SPATA31H1: variants seen among roughly 807,000 people sequenced by gnomAD.
SPATA31H1 encodes the protein SPATA31 subfamily H member 1.
At chr2:27,537,869 G>C in the SPATA31H1 span, among the ~76,000 whole-genome samples, 17 of 152,118 alleles carry the variant, frequency 1.1e-4, no homozygotes, top group African/African-American at 3.9e-4. Flanking sequence ...TGACATGGGA[G>C]GTAGACAGTA....
chr2:27,582,061 C>T, the SPATA31H1 span: 1 of 1,610,196 alleles, frequency 6.2e-7, no homozygotes, highest in Non-Finnish European at 8.5e-7. Context: ...GAGAGGAGAT[C>T]TCACAGGTCC....
At chr2:27,550,410 A>ATTT in the SPATA31H1 span, among the ~76,000 whole-genome samples, 1 of 144,522 alleles carries the variant, frequency 6.9e-6, no homozygotes, top group African/African-American at 2.7e-5. Context: ...ATGGGTGTTA[A>ATTT]ATTTTTTTTT....
the SPATA31H1 span, among the ~76,000 whole-genome samples, chr2:27,539,651 C>A: frequency 7.8e-5 from 8 of 103,074 alleles, no homozygotes; most frequent in African/African-American, 1.5e-4. Context: ...CAGACGGGGC[C>A]GTGGCCGGGC....
chr2:27,576,801 G>A, the SPATA31H1 span: 24 of 1,614,132 alleles, frequency 1.5e-5, 1 homozygote, highest in South Asian at 2.5e-4. Context: ...CGTAAAACAT[G>A]TGAAATTATC....
chr2:27,548,669 T>TGAA, the SPATA31H1 span, among the ~76,000 whole-genome samples: 1 of 151,832 alleles, frequency 6.6e-6, no homozygotes. Context: ...TATAGTCTGT[T>TGAA]TGATTCAAGA....
At chr2:27,555,145 A>C in the SPATA31H1 span, among the ~76,000 whole-genome samples, 6 of 151,886 alleles carry the variant, frequency 4.0e-5, no homozygotes, top group Admixed American at 2.6e-4. Flanking sequence ...AATTTATAGG[A>C]TCATGTGAGT....
At chr2:27,581,559 C>A in the SPATA31H1 span, 4 of 1,458,620 alleles carry the variant, frequency 2.7e-6, no homozygotes, top group Middle Eastern at 1.8e-4. Context: ...GAGAAGCCAT[C>A]GCAGTTCCTC....
the SPATA31H1 span, chr2:27,567,270 A>C: frequency 1.7e-6 from 1 of 605,160 alleles, no homozygotes. Flanking sequence ...TCCTTCAGTT[A>C]GAAGGGAGCT....
chr2:27,579,675 A>G, the SPATA31H1 span: 11 of 1,614,196 alleles, frequency 6.8e-6, no homozygotes, highest in Non-Finnish European at 9.3e-6. Flanking sequence ...GTCTTCCCTC[A>G]GCATATTTTA....
the SPATA31H1 span, among the ~76,000 whole-genome samples, chr2:27,556,692 A>AT: frequency 0.36 from 46,712 of 130,570 alleles, 8,954 homozygotes; most frequent in Non-Finnish European, 0.46. Context: ...AAGGGCATAT[A>AT]TTTTTTTTTT....
At chr2:27,546,468 C>T in the SPATA31H1 span, among the ~76,000 whole-genome samples, 3 of 152,012 alleles carry the variant, frequency 2.0e-5, no homozygotes, top group Non-Finnish European at 2.9e-5. Context: ...GTGAGGTACT[C>T]ACCTTGAACA....
the SPATA31H1 span, chr2:27,569,283 A>G: frequency 3.2e-3 from 1,283 of 398,966 alleles, 7 homozygotes; most frequent in African/African-American, 0.024. Flanking sequence ...TGTTTACTGC[A>G]ATCTAGGGCC....
chr2:27,575,178 G>T, the SPATA31H1 span: 1 of 398,396 alleles, frequency 2.5e-6, no homozygotes, highest in Non-Finnish European at 4.4e-6. The surrounding 1 kb of genome is among the most constrained non-coding windows in gnomAD (Gnocchi z 4.1). Context: ...CTCTACAGAA[G>T]GCAACCATGA....
the SPATA31H1 span, chr2:27,572,173 A>T: frequency 5.0e-6 from 2 of 398,410 alleles, no homozygotes; most frequent in African/African-American, 2.1e-5. Context: ...AAAGCTAAAG[A>T]GTTCAAACAT....
the SPATA31H1 span, chr2:27,578,928 A>T: frequency 6.2e-7 from 1 of 1,614,076 alleles, no homozygotes; most frequent in Admixed American, 1.7e-5. Context: ...AGACCCTACT[A>T]TGATACAATC....
the SPATA31H1 span, chr2:27,578,931 A>G: frequency 6.2e-7 from 1 of 1,614,074 alleles, no homozygotes; most frequent in Non-Finnish European, 8.5e-7. Flanking sequence ...CCCTACTATG[A>G]TACAATCTTT....
chr2:27,581,764 A>G, the SPATA31H1 span: 1 of 1,612,242 alleles, frequency 6.2e-7, no homozygotes, highest in Non-Finnish European at 8.5e-7. Context: ...AGTCCCTCAG[A>G]GAGAAGCCAT....
the SPATA31H1 span, chr2:27,569,004 C>T: frequency 5.0e-6 from 2 of 398,840 alleles, no homozygotes; most frequent in African/African-American, 4.1e-5. Flanking sequence ...TGACAACTGT[C>T]ACCAAGTGGA....
the SPATA31H1 span, among the ~76,000 whole-genome samples, chr2:27,556,113 G>A: frequency 2.2e-5 from 3 of 139,206 alleles, no homozygotes; most frequent in Admixed American, 1.5e-4. Flanking sequence ...GCATGCTGAC[G>A]AGCTGGACAA....
Sources: allele counts gnomAD v4.1 joint callset (sites outside exome capture counted in the v4.1 genomes callset), GRCh38; gene constraint gnomAD v4.1.1; non-coding constraint Gnocchi (gnomAD v3.1); transcripts MANE v1.5; gene names NCBI Gene and HGNC (gene_info 2026-07-23, HGNC 2026-07-21).